The following PCNX2 variants were observed in gnomAD, a reference collection of about 807,000 sequenced individuals.
The protein encoded by PCNX2 is pecanex 2.
Under a neutral mutation model 223.8 loss-of-function variants are expected in PCNX2, and 168 were observed. The observed-to-expected ratio is 0.75, with a 90% confidence interval of 0.66 to 0.85. The LOEUF (loss-of-function observed/expected upper bound fraction) is 0.85, where lower values mean the gene tolerates loss of function less well. Among genes scored for constraint, PCNX2 ranks in the 40% least tolerant of loss-of-function variants. The pLI, the probability that PCNX2 is intolerant of heterozygous loss-of-function variation, is 0.00. For synonymous variants in PCNX2, 1,006 were observed against 1,052.6 expected, an observed-to-expected ratio of 0.96 and a Z score of 0.86; for missense variants, 2,507 against 2,675.5, an observed-to-expected ratio of 0.94 and a Z score of 1.39.
rs766799373 is a variant in PCNX2 at position 233,000,529 on chromosome 1, AC to A, written c.5103del (p.Gln1701HisfsTer70). 1 of 1,590,186 alleles carries A rather than the reference AC, an allele frequency of 6.3e-7. No homozygotes were observed. The highest frequency in any genetic ancestry group is 8.5e-7 in the Non-Finnish European group (1 of 1,172,140). On this transcript the variant is annotated frameshift_variant, in exon 30 of 34. Coordinates refer to ENST00000258229, the MANE Select transcript of PCNX2 (RefSeq NM_014801.4). LOFTEE classifies it high-confidence loss of function. This position sits in a 1 kb window ranked among gnomAD's most constrained non-coding sequence, Gnocchi z 4.6. ...IRMSLKLHQDQFTCPDEYEDP... is the reference protein window; with the variant it reads ...IRMSLKLHQDXFTCPDEYEDP... ...TCTTCATACTCGTCAGGGCAAGTGA[AC>A]TGGTCCTGGTGGGAAGAAGTGTGGG...
chr1:233,078,815 C>T (rs1456264228), intron 23 of PCNX2, among the ~76,000 whole-genome samples: 1 of 152,218 alleles, frequency 6.6e-6, no homozygotes, highest in Non-Finnish European at 1.5e-5. Context: ...CAAAGCAATG[C>T]TGTTTGAGAA....
At chr1:233,260,834 A>G (rs1660003235) in intron 4 of PCNX2, among the ~76,000 whole-genome samples, 2 of 152,130 alleles carry the variant, frequency 1.3e-5, no homozygotes, top group Admixed American at 6.5e-5. Context: ...GTAAAAATGT[A>G]AAACAAAAAT....
chr1:233,225,081 C>G (rs915840513), intron 10 of PCNX2, among the ~76,000 whole-genome samples: 2 of 125,898 alleles, frequency 1.6e-5, no homozygotes, highest in Non-Finnish European at 3.1e-5. Context: ...CAAACCTGCA[C>G]GTTCTGCACA....
intron 13 of PCNX2, among the ~76,000 whole-genome samples, chr1:233,202,821 AAC>A (rs1681201624): frequency 6.6e-6 from 1 of 152,186 alleles, no homozygotes; most frequent in Non-Finnish European, 1.5e-5. Flanking sequence ...AAAACAAAAA[AAC>A]ACAGAGCAGA....
chr1:233,154,226 G>T (rs1466822373), intron 19 of PCNX2, among the ~76,000 whole-genome samples: 1 of 152,020 alleles, frequency 6.6e-6, no homozygotes, highest in Admixed American at 6.6e-5. Flanking sequence ...CTACAGGCGT[G>T]CAACACCAAG....
intron 13 of PCNX2, among the ~76,000 whole-genome samples, chr1:233,203,179 C>G (rs1485126321): frequency 6.6e-6 from 1 of 152,206 alleles, no homozygotes; most frequent in Non-Finnish European, 1.5e-5. Flanking sequence ...AGACCCCATA[C>G]AGGCCATGTG....
chr1:233,132,160 G>A (rs1391920175), intron 21 of PCNX2, among the ~76,000 whole-genome samples: 2 of 151,974 alleles, frequency 1.3e-5, no homozygotes, highest in Non-Finnish European at 2.9e-5. Context: ...GGCTGGTCTC[G>A]AACTCCTGAC....
intron 21 of PCNX2, among the ~76,000 whole-genome samples, chr1:233,134,177 C>A (rs983113436): frequency 6.6e-6 from 1 of 152,168 alleles, no homozygotes; most frequent in African/African-American, 2.4e-5. Context: ...TATTCAACTG[C>A]CGGTGTGAGT....
In PCNX2 at chr1:233,259,205, G is replaced by C. The variant is rs143310750; in HGVS notation, c.657C>G (p.Ala219=). The C allele has an allele frequency of 7.8e-4, 1,255 of 1,613,950 alleles. 10 individuals carry two copies. The African/African-American group carries it at 0.015, about 19-fold the overall frequency. The change falls in exon 5 of 34, where the codon GCC becomes GCG. Residue 219 remains alanine (A), a synonymous_variant. Transcript: ENST00000258229. ...TKSVIPVKPV[A]TETLINGKGK... is the part of the protein sequence containing the mutation. Reference sequence around the variant, plus strand: ...CTTTACCATTGATGAGAGTTTCTGTGGCAACTGGTTTTACAGGTATTACTG... The same window carrying C: ...CTTTACCATTGATGAGAGTTTCTGTCGCAACTGGTTTTACAGGTATTACTG...
chr1:233,046,487 CTT>C, intron 25 of PCNX2, among the ~76,000 whole-genome samples: 1 of 152,298 alleles, frequency 6.6e-6, no homozygotes. Flanking sequence ...GCTATATGCT[CTT>C]TTAAAGTCCC....
chr1:233,305,292 A>G, the PCNX2 span, among the ~76,000 whole-genome samples: 1 of 152,248 alleles, frequency 6.6e-6, no homozygotes, highest in Non-Finnish European at 1.5e-5. Context: ...TTTGTATAAA[A>G]AAAAGCACAA....
intron 1 of PCNX2, among the ~76,000 whole-genome samples, chr1:233,274,484 A>G (rs530712961): frequency 3.9e-4 from 59 of 152,364 alleles, no homozygotes; most frequent in Admixed American, 1.0e-3. Flanking sequence ...AAGTGTACCA[A>G]GCATAGAGAC....
intron 16 of PCNX2, among the ~76,000 whole-genome samples, chr1:233,178,240 C>A (rs1433207542): frequency 6.6e-6 from 1 of 152,356 alleles, no homozygotes; most frequent in East Asian, 1.9e-4. Flanking sequence ...ACAATTGACA[C>A]TAAAAATTGT....
chr1:233,100,134 C>T (rs535710374), intron 21 of PCNX2, among the ~76,000 whole-genome samples: 22 of 152,190 alleles, frequency 1.4e-4, no homozygotes, highest in African/African-American at 4.6e-4. Context: ...CAATGAGGGC[C>T]GGGCGCGGGG....
At chr1:233,223,939 C>T (rs1040821240) in intron 10 of PCNX2, among the ~76,000 whole-genome samples, 3 of 152,162 alleles carry the variant, frequency 2.0e-5, no homozygotes, top group Admixed American at 6.5e-5. Context: ...ACCACCAGTT[C>T]GAACATCAGT....
intron 1 of PCNX2, among the ~76,000 whole-genome samples, chr1:233,277,670 G>C (rs1319179572): frequency 6.6e-6 from 1 of 152,176 alleles, no homozygotes; most frequent in Non-Finnish European, 1.5e-5. Context: ...AAGAACGGGG[G>C]CTGCTGTTGG....
upstream of PCNX2, among the ~76,000 whole-genome samples, chr1:233,296,633 C>A (rs1465537079): frequency 6.6e-6 from 1 of 152,122 alleles, no homozygotes; most frequent in Admixed American, 6.5e-5. Context: ...GGAGCAGAAG[C>A]CCTGTGTGAG....
At chr1:233,022,068 G>A (rs1054074845) in intron 26 of PCNX2, among the ~76,000 whole-genome samples, 5 of 152,118 alleles carry the variant, frequency 3.3e-5, no homozygotes, top group African/African-American at 4.8e-5. Context: ...TCCCACTCAC[G>A]GTGATCTGCT....
At chr1:233,205,268 C>T (rs1417801924) in intron 13 of PCNX2, among the ~76,000 whole-genome samples, 1 of 152,200 alleles carries the variant, frequency 6.6e-6, no homozygotes, top group African/African-American at 2.4e-5. Context: ...AGATTATTGG[C>T]AAAAGGCACT....
Sources: allele counts gnomAD v4.1 joint callset (sites outside exome capture counted in the v4.1 genomes callset), GRCh38; gene constraint gnomAD v4.1.1; non-coding constraint Gnocchi (gnomAD v3.1); transcripts MANE v1.5; gene names NCBI Gene and HGNC (gene_info 2026-07-23, HGNC 2026-07-21).